The following FAF1 variants were observed in gnomAD, a reference collection of about 807,000 sequenced individuals.
The protein encoded by FAF1 is Fas associated factor 1.
In FAF1, 25 loss-of-function variants were observed where a neutral mutation model predicts 92.5. The ratio of observed to expected loss-of-function variants is 0.27; its 90% CI spans 0.20 to 0.38. The LOEUF (loss-of-function observed/expected upper bound fraction) is 0.38. Ranked by LOEUF, FAF1 falls within the 10% of genes least tolerant of loss-of-function variation. The probability of loss-of-function intolerance (pLI) is 1.00; values close to 1 mark genes in which losing one functional copy is unlikely to be tolerated. For synonymous variants in FAF1, 234 were observed against 273.2 expected (o/e 0.86, Z 1.42); for missense variants, 636 against 793.3 (o/e 0.80, Z 2.38).
At chr1:50,666,161 G>T (rs1437868810) in intron 7 of FAF1, among the ~76,000 whole-genome samples, 1 of 151,172 alleles carries the variant, frequency 6.6e-6, no homozygotes, top group Non-Finnish European at 1.5e-5. Context: ...TGATCTGCCC[G>T]CCTTGGCCTC....
intron 4 of FAF1, among the ~76,000 whole-genome samples, chr1:50,748,404 G>A (rs374012420): frequency 6.6e-6 from 1 of 151,654 alleles, no homozygotes; most frequent in African/African-American, 2.4e-5. Flanking sequence ...GGCTGAGGCA[G>A]GAGAATCACT....
chr1:50,909,144 G>C (rs1570127840), intron 1 of FAF1, among the ~76,000 whole-genome samples: 1 of 152,146 alleles, frequency 6.6e-6, no homozygotes, highest in South Asian at 2.1e-4. Flanking sequence ...AGCTTAGTTT[G>C]GCTGGATATG....
intron 6 of FAF1, among the ~76,000 whole-genome samples, chr1:50,717,340 T>C (rs1658218481): frequency 6.6e-6 from 1 of 152,182 alleles, no homozygotes; most frequent in Middle Eastern, 3.2e-3. Context: ...AGTGTTCTTA[T>C]AAGAAGAGAA....
rs56201451 is a variant in FAF1 at position 50,604,327 on chromosome 1, C to G, written c.745-8111G>C. 7.7e-3 allele frequency among the ~76,000 whole-genome samples: 1,168 copies of G among 152,236 alleles called. 13 individuals carry two copies. The highest frequency in any genetic ancestry group is 0.027 in the African/African-American group (1,128 of 41,546). On this transcript the variant is annotated intron_variant, in intron 8 of 18. Coordinates refer to ENST00000396153, the MANE Select transcript of FAF1 (RefSeq NM_007051.3). ...CTTAAACTTCTATCAGTGATCCCAC[C>G]ATCCCCAACAGATTCCAAATGAAAG...
intron 3 of FAF1, among the ~76,000 whole-genome samples, chr1:50,797,565 G>A (rs1661809579): frequency 6.6e-6 from 1 of 152,042 alleles, no homozygotes; most frequent in Non-Finnish European, 1.5e-5. Flanking sequence ...TAGGTGTGGT[G>A]GCAAGCGCCT....
chr1:50,494,645 CAT>C (rs2149011449), intron 15 of FAF1, among the ~76,000 whole-genome samples: 1 of 152,340 alleles, frequency 6.6e-6, no homozygotes, highest in South Asian at 2.1e-4. Flanking sequence ...TCACTGCTCT[CAT>C]ATTGCGCTGT....
rs910259991 is a variant in FAF1 at position 50,586,495 on chromosome 1, T to C, written c.841-1684A>G. On this transcript the variant is annotated intron_variant, in intron 9 of 18. Coordinates refer to ENST00000396153, the MANE Select transcript of FAF1 (RefSeq NM_007051.3). ...GCATTAATGCAGAGAATCATAATCATATTTTCCCTCTCAACTTTAAGACAA... is the reference window on the plus strand; with the variant it reads ...GCATTAATGCAGAGAATCATAATCACATTTTCCCTCTCAACTTTAAGACAA... 8.5e-5 allele frequency among the ~76,000 whole-genome samples: 13 copies of C among 152,186 alleles called. No individual in the cohort carries two copies. The East Asian group carries it at 2.3e-3, about 27-fold the overall frequency.
At chr1:50,887,039 T>G (rs1439687515) in intron 1 of FAF1, among the ~76,000 whole-genome samples, 1 of 152,222 alleles carries the variant, frequency 6.6e-6, no homozygotes, top group African/African-American at 2.4e-5. Flanking sequence ...CTCCAGCACC[T>G]GCAGTTTCCT....
chr1:50,582,382 C>G, intron 12 of FAF1: 1 of 429,152 alleles, frequency 2.3e-6, no homozygotes, highest in Non-Finnish European at 4.2e-6. Context: ...AGTCTCCAAT[C>G]TCAAAATGAA....
chr1:50,787,107 T>C (rs1661390482), intron 4 of FAF1, among the ~76,000 whole-genome samples: 2 of 152,192 alleles, frequency 1.3e-5, no homozygotes, highest in Admixed American at 1.3e-4. Flanking sequence ...TCAGATAATC[T>C]GAATCAAATG....
intron 7 of FAF1, among the ~76,000 whole-genome samples, chr1:50,691,212 C>T (rs1413147540): frequency 1.3e-5 from 2 of 152,076 alleles, no homozygotes; most frequent in Non-Finnish European, 2.9e-5. Flanking sequence ...GTTCTCATTT[C>T]TCAACATCTT....
Position 50,596,131 on chromosome 1 carries a change from T to C in FAF1, c.830A>G (p.Gln277Arg), listed in dbSNP as rs754326427. The C allele has an allele frequency of 6.1e-5, 99 of 1,613,124 alleles. No homozygotes were observed. Among genetic ancestry groups the C allele is most frequent in the Non-Finnish European group, 8.1e-5 (95 of 1,179,468 alleles). ...GGCAAACAGGCTTACTTCTTCCGAC[T>C]GTTCCCGGGTCTGTGCAGGTGAAGA... ...RRSSPAQTRE[Q>R]SEEQITDVHM... The change falls in exon 9 of 19, where the codon CAG becomes CGG. Residue 277 changes from glutamine to arginine, a missense_variant. This residue lies in a region of FAF1 where 317 missense variants were observed against 342.4 expected (regional missense o/e 0.93). Coordinates refer to ENST00000396153, the MANE Select transcript of FAF1 (RefSeq NM_007051.3).
intron 1 of FAF1, among the ~76,000 whole-genome samples, chr1:50,931,433 A>T (rs1191793378): frequency 6.6e-6 from 1 of 151,834 alleles, no homozygotes; most frequent in East Asian, 1.9e-4. Flanking sequence ...ACAGTTCCAC[A>T]TAGCTGGGGA....
At chr1:50,787,950 G>T in intron 4 of FAF1, 50 bp downstream of exon 4, 1 of 1,491,798 alleles carries the variant, frequency 6.7e-7, no homozygotes, top group Non-Finnish European at 9.3e-7. Flanking sequence ...TAACCTGAAT[G>T]TTTACCTAAT....
At chr1:50,771,111 T>A (rs1457224671) in intron 4 of FAF1, among the ~76,000 whole-genome samples, 1 of 152,096 alleles carries the variant, frequency 6.6e-6, no homozygotes, top group Non-Finnish European at 1.5e-5. Context: ...TTAAGATGGA[T>A]TAAAGACTCA....
chr1:50,659,499 G>T (rs533541212), intron 7 of FAF1, among the ~76,000 whole-genome samples: 2 of 152,120 alleles, frequency 1.3e-5, no homozygotes, highest in African/African-American at 4.8e-5. Flanking sequence ...TGCTTCTGAC[G>T]GAGTTTCATC....
chr1:50,770,381 T>C (rs1220504041), intron 4 of FAF1, among the ~76,000 whole-genome samples: 1 of 152,200 alleles, frequency 6.6e-6, no homozygotes, highest in Admixed American at 6.5e-5. Flanking sequence ...CAAAAGCTAC[T>C]AGCTCTGATA....
intron 1 of FAF1, among the ~76,000 whole-genome samples, chr1:50,912,377 C>T (rs1006765514): frequency 4.6e-5 from 7 of 152,110 alleles, no homozygotes; most frequent in African/African-American, 9.7e-5. Flanking sequence ...TACAGAGTAT[C>T]TTGGGTGATT....
chr1:50,811,653 C>A (rs1643915681), intron 2 of FAF1, among the ~76,000 whole-genome samples: 2 of 152,178 alleles, frequency 1.3e-5, no homozygotes, highest in African/African-American at 4.8e-5. Flanking sequence ...TTTACAGATT[C>A]AGTGCTATTC....
Sources: allele counts gnomAD v4.1 joint callset (sites outside exome capture counted in the v4.1 genomes callset), GRCh38; gene constraint gnomAD v4.1.1; regional missense constraint gnomAD v4.1.1; transcripts MANE v1.5; gene names NCBI Gene and HGNC (gene_info 2026-07-23, HGNC 2026-07-21).